The following MIPEP variants were observed in gnomAD, a reference collection of about 807,000 sequenced individuals.
MIPEP encodes the protein mitochondrial intermediate peptidase.
Under a neutral mutation model 90.3 loss-of-function variants are expected in MIPEP, and 79 were observed. That is an observed-to-expected ratio of 0.87 (90% CI 0.73 to 1.05). MIPEP has a LOEUF of 1.05. MIPEP is among the 50% of genes least tolerant of loss of function. The pLI, the probability that MIPEP is intolerant of heterozygous loss-of-function variation, is 0.00. For synonymous variants in MIPEP, 334 were observed against 315.8 expected (o/e 1.06, Z -0.61); for missense variants, 940 against 905.6 (o/e 1.04, Z -0.49).
chr13:23,865,672 A>ATCTT (rs138371711), intron 7 of MIPEP, among the ~76,000 whole-genome samples: 7 of 68,960 alleles, frequency 1.0e-4, no homozygotes, highest in South Asian at 6.5e-4. Flanking sequence ...GCCTCAATTA[A>ATCTT]TTTTTTTTTT....
chr13:23,764,774 G>A (rs1171772408), intron 16 of MIPEP, among the ~76,000 whole-genome samples: 2 of 152,094 alleles, frequency 1.3e-5, no homozygotes, highest in Non-Finnish European at 2.9e-5. Context: ...TGTTTCCCAG[G>A]CTAGTTTTGA....
rs1871182032 is a variant in MIPEP, at chr13:23,879,117, G to T, written c.539+151C>A. ...TTTTGGAGGAGACACCATTTGAGTGGAGTCCTAGAGAAAGTGCAGGAGTCA... is the reference window on the plus strand; with the variant it reads ...TTTTGGAGGAGACACCATTTGAGTGTAGTCCTAGAGAAAGTGCAGGAGTCA... On this transcript the variant is annotated intron_variant, in intron 4 of 18. Coordinates refer to ENST00000382172, the MANE Select transcript of MIPEP (RefSeq NM_005932.4). The T allele has an allele frequency of 8.0e-6, 5 of 624,036 alleles. 1 individual carries two copies. Among genetic ancestry groups the T allele is most frequent in the Middle Eastern group, 3.3e-4 (1 of 3,042 alleles). The allele number at this position is 624,036 out of a possible 1,614,324, so 38.7% of individuals were successfully genotyped here. A position where few individuals can be genotyped will look rare whatever the true frequency, so the allele number is the denominator to read the frequency against.
chr13:23,821,689 A>C (rs1472630552), intron 14 of MIPEP, among the ~76,000 whole-genome samples: 5 of 152,214 alleles, frequency 3.3e-5, no homozygotes, highest in Non-Finnish European at 7.3e-5. Flanking sequence ...CTCCAAGAAC[A>C]AAATCCATAC....
intron 18 of MIPEP, among the ~76,000 whole-genome samples, chr13:23,747,772 G>A (rs572660584): frequency 2.3e-4 from 35 of 152,242 alleles, no homozygotes; most frequent in Admixed American, 1.0e-3. Context: ...ACGGGGTCTC[G>A]CTCTGTTGCC....
chr13:23,798,207 TA>T (rs557711764), intron 16 of MIPEP, among the ~76,000 whole-genome samples: 133 of 152,374 alleles, frequency 8.7e-4, no homozygotes, highest in African/African-American at 3.1e-3. Context: ...TTCTTTATGC[TA>T]AAAAACAAAA....
At chr13:23,880,637 A>AG (rs34455730) in intron 3 of MIPEP, among the ~76,000 whole-genome samples, 1 of 152,142 alleles carries the variant, frequency 6.6e-6, no homozygotes, top group South Asian at 2.1e-4. Context: ...GCTTTCTCCC[A>AG]GGGAGTCCCC....
chr13:23,750,399 G>A (rs2138503368), intron 18 of MIPEP, among the ~76,000 whole-genome samples: 1 of 152,316 alleles, frequency 6.6e-6, no homozygotes, highest in South Asian at 2.1e-4. Flanking sequence ...CTCAGACTTC[G>A]TTTTCAATGA....
In MIPEP at chr13:23,809,960, T is replaced by A. The variant is rs1953154155; in HGVS notation, c.1654-36A>T. On this transcript the variant is annotated intron_variant, in intron 14 of 18. Transcript: ENST00000382172. ...CAAAAGAATATATATGTGAGTAAAC[T>A]GCGTAATAAGTCACTGCACTATGTA... 2.9e-6 allele frequency: 4 copies of A among 1,383,536 alleles called. No individual in the cohort carries two copies. In the Admixed American group the frequency reaches 6.8e-5, roughly 23 times the overall value. 85.7% of individuals were successfully genotyped at this position (1,383,536 alleles called of 1,614,324 possible).
chr13:23,889,363 C>T lies in MIPEP; in HGVS notation c.-43G>A, dbSNP rs1348240191. 2 of 1,250,856 alleles carry T rather than the reference C, an allele frequency of 1.6e-6. No individual in the cohort carries two copies. The highest frequency in any genetic ancestry group is 6.7e-5 in the South Asian group (2 of 29,844). 77.5% of individuals were successfully genotyped at this position (1,250,856 alleles called of 1,614,324 possible). A position where few individuals can be genotyped will look rare whatever the true frequency, so the allele number is the denominator to read the frequency against. On this transcript the variant is annotated 5_prime_UTR_variant, in exon 1 of 19. Coordinates refer to ENST00000382172, the MANE Select transcript of MIPEP (RefSeq NM_005932.4). ...CCCTTCCTCCAACGCAGATCCCTGC[C>T]CTGCTGCTTTCGCTGGGAGCGCGCG...
At chr13:23,774,317 T>C (rs1486141562) in intron 16 of MIPEP, among the ~76,000 whole-genome samples, 6 of 152,180 alleles carry the variant, frequency 3.9e-5, no homozygotes, top group African/African-American at 1.4e-4. Flanking sequence ...TGTAGCTCTG[T>C]AGTAACTGCT....
rs572211290 is a variant in MIPEP, at chr13:23,856,427, G to A, written c.1106+2433C>T. Among the ~76,000 whole-genome samples the A allele has an allele frequency of 1.3e-4, 20 of 152,324 alleles. No individual in the cohort carries two copies. The Middle Eastern group carries it at 0.014, about 104-fold the overall frequency. ...GTAAAACAAAAGTAGGTTGTGATCA[G>A]ATCCTACAGTGCGCCCAGAGCCAGG... On this transcript the variant is annotated intron_variant, in intron 10 of 18. Coordinates refer to ENST00000382172, the MANE Select transcript of MIPEP (RefSeq NM_005932.4).
At position 23,819,151 on chromosome 13, in the gene MIPEP, T is replaced by C. The variant is rs187854249; in HGVS notation, c.1654-9227A>G. Among the ~76,000 whole-genome samples the C allele has an allele frequency of 1.1e-4, 17 of 152,356 alleles. No homozygotes were observed. In the Middle Eastern group the frequency reaches 0.014, roughly 122 times the overall value. ...ACAGTATAAGGTTAAACAAAAATTA[T>C]GGGAGGCCATTGTTTTATACTGAGC... On this transcript the variant is annotated intron_variant, in intron 14 of 18. Transcript: ENST00000382172.
chr13:23,751,315 G>A (rs1467187194), intron 18 of MIPEP, among the ~76,000 whole-genome samples: 1 of 152,202 alleles, frequency 6.6e-6, no homozygotes, highest in Non-Finnish European at 1.5e-5. Context: ...CTACAGAAAC[G>A]TAAGGTATTA....
chr13:23,768,203 G>C (rs902356550), intron 16 of MIPEP, among the ~76,000 whole-genome samples: 4 of 152,204 alleles, frequency 2.6e-5, no homozygotes, highest in African/African-American at 9.7e-5. Flanking sequence ...CTGCTAGCTT[G>C]ATAGGCAAGG....
chr13:23,756,804 A>T, intron 17 of MIPEP, 186 bp from the exon 18 acceptor site: 1 of 597,328 alleles, frequency 1.7e-6, no homozygotes, highest in Non-Finnish European at 2.9e-6. Context: ...AAAATAAATT[A>T]AATCAGGTGT....
Position 23,858,891 on chromosome 13 carries a change from G to A in MIPEP, c.1075C>T (p.Pro359Ser), listed in dbSNP as rs1439236245. ...GCACGAATCACACCACTGTAGTAAG[G>A]GGGGTCCCAGGGCATTACTTCCTAC... Reference protein sequence around the residue: ...QNSEVMPWDPPYYSGVIRAER... With the variant: ...QNSEVMPWDPSYYSGVIRAER... Residue 359 changes from proline to serine, a missense_variant, in exon 10 of 19, where the codon CCT becomes TCT. By Grantham distance (74) the Pro-to-Ser change is moderately conservative. Coordinates refer to ENST00000382172, the MANE Select transcript of MIPEP (RefSeq NM_005932.4). 6.2e-7 allele frequency: 1 copy of A among 1,613,492 alleles called. No individual in the cohort carries two copies. The highest frequency in any genetic ancestry group is 2.2e-5 in the East Asian group (1 of 44,876).
At chr13:23,746,845 G>A (rs1277238007) in intron 18 of MIPEP, among the ~76,000 whole-genome samples, 1 of 151,976 alleles carries the variant, frequency 6.6e-6, no homozygotes, top group Non-Finnish European at 1.5e-5. Context: ...ATTTACTTGA[G>A]GAAGAAAAAC....
chr13:23,777,159 T>C (rs956906295), intron 16 of MIPEP, among the ~76,000 whole-genome samples: 15 of 152,178 alleles, frequency 9.9e-5, no homozygotes, highest in Non-Finnish European at 1.5e-4. Context: ...ATGGGGCAAG[T>C]GGACCATAAA....
chr13:23,888,917 C>G, intron 1 of MIPEP: 1 of 526,924 alleles, frequency 1.9e-6, no homozygotes, highest in Non-Finnish European at 2.9e-6. Flanking sequence ...GTTCCCGGAC[C>G]CGACACTCTG....
Sources: gnomAD v4.1 joint callset for allele counts (sites outside exome capture counted in the v4.1 genomes callset) on GRCh38, gnomAD v4.1.1 for gene constraint, MANE v1.5 for transcripts, NCBI Gene and HGNC (gene_info 2026-07-23, HGNC 2026-07-21) for gene names.